COL5A1: variants seen among roughly 807,000 people sequenced by gnomAD.
COL5A1 encodes collagen type V alpha 1 chain.
In COL5A1, 16 loss-of-function variants were observed where a neutral mutation model predicts 263.7. That is an observed-to-expected ratio of 0.06 (90% confidence interval 0.04 to 0.09). COL5A1 has a LOEUF of 0.09. COL5A1 is among the 10% of genes least tolerant of loss of function. The pLI is 1.00. For synonymous variants in COL5A1, 1,012 were observed against 1,004.5 expected, an observed-to-expected ratio of 1.01 and a Z score of -0.14; for missense variants, 2,036 against 2,540.5, an observed-to-expected ratio of 0.80 and a Z score of 4.27.
chr9:134,806,943 T>A (rs906203390), intron 42 of COL5A1, among the ~76,000 whole-genome samples: 1 of 151,750 alleles, frequency 6.6e-6, no homozygotes, highest in African/African-American at 2.4e-5. Context: ...GCCTCGGGAG[T>A]GGGGAGGAGC....
In COL5A1 at chr9:134,660,275, T is replaced by C. The variant is rs544486560; in HGVS notation, c.109+17979T>C. The stretch of plus-strand genomic sequence containing the variant: ...GACCAGGCTCAAAAGAGTTTTACTC[T>C]TGGTTTTCACTTAAAATGGACCATG... On this transcript the variant is annotated intron_variant, in intron 1 of 65. Transcript: ENST00000371817. Among the ~76,000 whole-genome samples the C allele has an allele frequency of 1.6e-4, 24 of 152,346 alleles. No individual in the cohort carries two copies. In the South Asian group the frequency reaches 5.0e-3, roughly 32 times the overall value.
chr9:134,796,338 A>C lies in COL5A1; in HGVS notation c.2800-36A>C, dbSNP rs1837908031. On this transcript the variant is annotated intron_variant, in intron 34 of 65. Transcript: ENST00000371817. ...GAGTCTTTTCATCCAAATAATAACA[A>C]TCATAAGCTTTTCCCCCCTCTCCTT... is the stretch of plus-strand genomic sequence containing the variant. 6 of 1,609,122 alleles carry C rather than the reference A, an allele frequency of 3.7e-6. No individual in the cohort carries two copies. In the East Asian group the frequency reaches 1.3e-4, roughly 36 times the overall value.
At chr9:134,706,624 C>G (rs79089367) in intron 4 of COL5A1, among the ~76,000 whole-genome samples, 9,681 of 152,268 alleles carry the variant, frequency 0.064, 1,005 homozygotes, top group African/African-American at 0.22. Context: ...AGCAACATGA[C>G]AGCAGATTGG....
At chr9:134,720,721 T>C (rs1834420586) in intron 4 of COL5A1, among the ~76,000 whole-genome samples, 2 of 152,040 alleles carry the variant, frequency 1.3e-5, no homozygotes. Flanking sequence ...TGTGATGAAA[T>C]GGGGAGACTG....
chr9:134,802,771 G>A (rs907375549), intron 38 of COL5A1, 117 bp from the exon 39 acceptor site: 11 of 788,428 alleles, frequency 1.4e-5, no homozygotes, highest in Admixed American at 6.0e-5. Flanking sequence ...GAGGTTTGGT[G>A]TGCCCGCAGC....
chr9:134,823,478 C>G lies in COL5A1; in HGVS notation c.4698+9C>G, dbSNP rs753030199. ...GACCCCCAGGCCCCCCGGTAAGTAG[C>G]CCTTGAAGCCCAGAAAGCGGGACGG... On this transcript the variant is annotated intron_variant, in intron 61 of 65. Coordinates refer to ENST00000371817, the MANE Select transcript of COL5A1 (RefSeq NM_000093.5). 6.2e-7 allele frequency: 1 copy of G among 1,614,080 alleles called. No homozygotes were observed. The highest frequency in any genetic ancestry group is 2.2e-5 in the East Asian group (1 of 44,882).
rs966434863 is a variant in COL5A1, at chr9:134,843,568, C to G, written c.*1265C>G. The stretch of plus-strand genomic sequence containing the variant: ...CCAAGCACACTCCCTCCTGCGCTCT[C>G]CCGCCCCGGTGCGTCCACTCCCGAG... On this transcript the variant is annotated 3_prime_UTR_variant, in exon 66 of 66. Transcript: ENST00000371817. 3.3e-5 allele frequency: 5 copies of G among 152,710 alleles called. No homozygotes were observed. The highest frequency in any genetic ancestry group is 5.9e-5 in the Non-Finnish European group (4 of 68,076). 9.5% of individuals were successfully genotyped at this position (152,710 alleles called of 1,614,324 possible).
rs182735860 is a variant in COL5A1 at position 134,696,797 on chromosome 9, G to A, written c.278-3112G>A. Among the ~76,000 whole-genome samples the A allele has an allele frequency of 2.4e-4, 36 of 152,212 alleles. No individual in the cohort carries two copies. Among genetic ancestry groups the A allele is most frequent in the African/African-American group, 7.9e-4 (33 of 41,530 alleles). On this transcript the variant is annotated intron_variant, in intron 2 of 65. Coordinates refer to ENST00000371817, the MANE Select transcript of COL5A1 (RefSeq NM_000093.5). This position sits in a 1 kb window ranked among gnomAD's most constrained non-coding sequence, Gnocchi z 4.3. ...TAAAAGTGAAAAGCTCTGGCCGGGCGGGGTGGCTCACACCTGTAATCCCAG... is the reference window on the plus strand; with the variant it reads ...TAAAAGTGAAAAGCTCTGGCCGGGCAGGGTGGCTCACACCTGTAATCCCAG...
In COL5A1 at chr9:134,824,751, C is replaced by T; in HGVS notation, c.4850C>T (p.Ser1617Phe). 6.2e-7 allele frequency: 1 copy of T among 1,614,228 alleles called. No individual in the cohort carries two copies. Among genetic ancestry groups the T allele is most frequent in the South Asian group, 1.1e-5 (1 of 91,086 alleles). Residue 1617 changes from serine (S) to phenylalanine (F), a missense_variant, in exon 62 of 66, where the codon TCT becomes TTT. Ser to Phe is a radical substitution (Grantham distance 155, BLOSUM62 -2). Around this residue, in one of 3 missense-constraint regions of COL5A1, gnomAD observed 358 missense variants for 384.6 expected, o/e 0.93. Coordinates refer to ENST00000371817, the MANE Select transcript of COL5A1 (RefSeq NM_000093.5). ...GMEEIFGSLN[S>F]LKLEIEQMKR... ...GAAGAGATCTTCGGCTCTCTCAACT[C>T]TCTGAAGCTGGAGATTGAGCAGATG...
At chr9:134,808,319 C>CA (rs1405966018) in intron 42 of COL5A1, among the ~76,000 whole-genome samples, 2 of 152,166 alleles carry the variant, frequency 1.3e-5, no homozygotes, top group African/African-American at 4.8e-5. Context: ...AGGCTGCTCA[C>CA]AGAGTGATGC....
chr9:134,717,351 C>T (rs1258492260), intron 4 of COL5A1, among the ~76,000 whole-genome samples: 1 of 152,216 alleles, frequency 6.6e-6, no homozygotes, highest in Admixed American at 6.5e-5. Context: ...TTTGCAGAGC[C>T]CAGGGCCAGA....
At chr9:134,793,591 G>A (rs1403317099) in intron 32 of COL5A1, among the ~76,000 whole-genome samples, 1 of 152,182 alleles carries the variant, frequency 6.6e-6, no homozygotes, top group Non-Finnish European at 1.5e-5. Flanking sequence ...TTTGTTGCAG[G>A]ATTAAACCTG....
At chr9:134,659,683 C>T (rs1392505133) in intron 1 of COL5A1, among the ~76,000 whole-genome samples, 1 of 152,202 alleles carries the variant, frequency 6.6e-6, no homozygotes, top group Non-Finnish European at 1.5e-5. Flanking sequence ...GGTGGCGGGT[C>T]TCAGGAGGGA....
intron 4 of COL5A1, among the ~76,000 whole-genome samples, chr9:134,724,343 G>C (rs1433813225): frequency 6.6e-6 from 1 of 152,224 alleles, no homozygotes; most frequent in Non-Finnish European, 1.5e-5. Flanking sequence ...GAGAAAGCAG[G>C]GAGCAGAGAG....
chr9:134,839,384 A>G (rs1322401791), intron 65 of COL5A1, among the ~76,000 whole-genome samples: 1 of 152,120 alleles, frequency 6.6e-6, no homozygotes, highest in Admixed American at 6.5e-5. Context: ...TGATAATTGG[A>G]GCAGAGGGGT....
rs1272201932 is a variant in COL5A1, at chr9:134,821,340, C to CT, written c.4555-755dup. 6.6e-6 allele frequency among the ~76,000 whole-genome samples: 1 copy of CT among 152,110 alleles called. No homozygotes were observed. Among genetic ancestry groups the CT allele is most frequent in the Non-Finnish European group, 1.5e-5 (1 of 68,032 alleles). ...TGCAGGCTTGGGTAGTTGTGGGGTC[C>CT]TTACAATGAGCCACAGCCCAAGTTC... is the stretch of plus-strand genomic sequence containing the variant. On this transcript the variant is annotated intron_variant, in intron 58 of 65. Transcript: ENST00000371817. The surrounding 1 kb of genome is among the most constrained non-coding windows in gnomAD (Gnocchi z 4.2).
intron 4 of COL5A1, among the ~76,000 whole-genome samples, chr9:134,714,082 C>G (rs1834160787): frequency 6.6e-6 from 1 of 152,188 alleles, no homozygotes; most frequent in Non-Finnish European, 1.5e-5. Context: ...GTCAGAGACC[C>G]AGATTTTTTT....
At chr9:134,824,980 C>G in intron 62 of COL5A1, 125 bp downstream of exon 62, 1 of 1,345,772 alleles carries the variant, frequency 7.4e-7, no homozygotes, top group Non-Finnish European at 9.9e-7. Context: ...CCGCAGCCTC[C>G]CCATCTGTGG....
rs1244756902 is a variant in COL5A1 at position 134,843,268 on chromosome 9, T to G, written c.*965T>G. 1 of 152,590 alleles carries G rather than the reference T, an allele frequency of 6.6e-6. No individual in the cohort carries two copies. The highest frequency in any genetic ancestry group is 1.5e-5 in the Non-Finnish European group (1 of 68,042). The allele number at this position is 152,590 out of a possible 1,614,324, so 9.5% of individuals were successfully genotyped here. ...ATTTGCTTCCTTTTTCCGCTTTTCT[T>G]CCCGCAGAGCCTGATGGGAGAATGT... On this transcript the variant is annotated 3_prime_UTR_variant, in exon 66 of 66. Transcript: ENST00000371817.
Sources: allele counts gnomAD v4.1 joint callset (sites outside exome capture counted in the v4.1 genomes callset), GRCh38; gene constraint gnomAD v4.1.1; regional missense constraint gnomAD v4.1.1; non-coding constraint Gnocchi (gnomAD v3.1); transcripts MANE v1.5; gene names NCBI Gene and HGNC (gene_info 2026-07-23, HGNC 2026-07-21).